The following RAB44 variants were observed in gnomAD, a reference collection of about 807,000 sequenced individuals.
The protein encoded by RAB44 is ras-related protein Rab-44.
In RAB44, 67 loss-of-function variants were observed where a neutral mutation model predicts 93.3. The observed-to-expected ratio is 0.72, with a 90% CI of 0.59 to 0.88. The LOEUF (loss-of-function observed/expected upper bound fraction) is 0.88. Among genes scored for constraint, RAB44 ranks in the 40% least tolerant of loss-of-function variants. RAB44 has a pLI of 0.00. For synonymous variants in RAB44, 427 were observed against 520.3 expected, an observed-to-expected ratio of 0.82 and a Z score of 2.44; for missense variants, 1,064 against 1,261.7, an observed-to-expected ratio of 0.84 and a Z score of 2.37.
At position 36,722,568 on chromosome 6, in the gene RAB44, G is replaced by A. The variant is rs1763120946; in HGVS notation, c.2434G>A (p.Gly812Arg). The A allele has an allele frequency of 2.6e-6, 4 of 1,549,948 alleles. No individual in the cohort carries two copies. The highest frequency in any genetic ancestry group is 1.2e-5 in the South Asian group (1 of 83,998). Residue 812 changes from glycine to arginine, a missense_variant, in exon 9 of 14, where the codon GGG (glycine) becomes AGG (arginine). By Grantham distance (125) the Gly-to-Arg change is moderately radical (BLOSUM62 -2). Coordinates refer to ENST00000612677, the MANE Select transcript of RAB44 (RefSeq NM_001257357.2). The part of the protein sequence containing the change: ...EDPGMDSREA[G>R]LTPSPGDPMA... ...TCCAGGAATGGACTCCAGGGAAGCT[G>A]GGCTGACCCCATCCCCGGGAGACCC...
At position 36,722,198 on chromosome 6, in the gene RAB44, C is replaced by G; in HGVS notation, c.2064C>G (p.Asp688Glu). The G allele has an allele frequency of 1.6e-6, 2 of 1,240,374 alleles. No individual in the cohort carries two copies. The highest frequency in any genetic ancestry group is 1.0e-6 in the Non-Finnish European group (1 of 991,840). 76.8% of individuals were successfully genotyped at this position (1,240,374 alleles called of 1,614,324 possible). The change falls in exon 9 of 14, where the codon GAC becomes GAG. Residue 688 changes from aspartate to glutamate, a missense_variant. Transcript: ENST00000612677. ...EGKQEGRGGQ[D>E]LSSEQSEQSV... ...AACAAGAGGGCAGAGGTGGGCAGGA[C>G]CTCAGTTCAGAGCAGTCAGAGCAGT...
rs904455702 is a variant in RAB44, at chr6:36,720,519, C to T, written c.985C>T (p.Arg329Trp). 1.7e-5 allele frequency: 21 copies of T among 1,233,678 alleles called. No homozygotes were observed. Among genetic ancestry groups the T allele is most frequent in the Admixed American group, 4.2e-5 (1 of 23,704 alleles). 76.4% of individuals were successfully genotyped at this position (1,233,678 alleles called of 1,614,324 possible). The change falls in exon 8 of 14, where the codon CGG becomes TGG. Residue 329 changes from arginine (R) to tryptophan (W), a missense_variant. Arg to Trp is a moderately radical substitution (Grantham distance 101). Coordinates refer to ENST00000612677, the MANE Select transcript of RAB44 (RefSeq NM_001257357.2). ...TRGRLDAARG[R>W]VSWQVEEKLS... ...GGGGCGCCTGGACGCCGCCAGGGGC[C>T]GGGTGTCCTGGCAGGTGGAGGAGAA...
At chr6:36,729,049 A>T (rs1238509277) in intron 12 of RAB44, among the ~76,000 whole-genome samples, 1 of 152,120 alleles carries the variant, frequency 6.6e-6, no homozygotes, top group African/African-American at 2.4e-5. Flanking sequence ...CGTGACACTG[A>T]ACCTCACTGT....
chr6:36,728,890 C>A, intron 12 of RAB44, 89 bp downstream of exon 12: 2 of 1,099,260 alleles, frequency 1.8e-6, no homozygotes, highest in Non-Finnish European at 2.7e-6. Flanking sequence ...CTGACCTGGG[C>A]AGCCGAGAAG....
chr6:36,698,095 G>T (rs1194808216), intron 1 of RAB44, among the ~76,000 whole-genome samples, 180 bp downstream of exon 1: 1 of 152,236 alleles, frequency 6.6e-6, no homozygotes, highest in Admixed American at 6.5e-5. Context: ...ACTTGGGCAA[G>T]AGGCTGGGGT....
intron 2 of RAB44, among the ~76,000 whole-genome samples, chr6:36,710,945 A>G (rs1422006662): frequency 6.6e-6 from 1 of 152,170 alleles, no homozygotes; most frequent in East Asian, 1.9e-4. Context: ...TTAAAGCAGA[A>G]AAAAATGAAT....
rs1763371930 is a variant in RAB44, at chr6:36,731,884, G to C, written c.2976-119G>C. ...GGTCTCATGTGGAATGCAGGGCAGGGGCAGAGCTGTTGTGGGGGTTGTGGG... is the reference window on the plus strand; with the variant it reads ...GGTCTCATGTGGAATGCAGGGCAGGCGCAGAGCTGTTGTGGGGGTTGTGGG... On this transcript the variant is annotated intron_variant, in intron 13 of 13. Transcript: ENST00000612677. This position sits in a 1 kb window ranked among gnomAD's most constrained non-coding sequence, Gnocchi z 4.0. 6.2e-6 allele frequency: 3 copies of C among 486,310 alleles called. No homozygotes were observed. The highest frequency in any genetic ancestry group is 9.7e-6 in the Non-Finnish European group (3 of 307,902). 30.1% of individuals were successfully genotyped at this position (486,310 alleles called of 1,614,324 possible).
chr6:36,726,802 ATTT>A (rs35515538), intron 10 of RAB44, among the ~76,000 whole-genome samples: 1 of 143,070 alleles, frequency 7.0e-6, no homozygotes, highest in Non-Finnish European at 1.5e-5. Context: ...ACTAATAGGG[ATTT>A]TTTTTTTTTT....
At position 36,732,180 on chromosome 6, in the gene RAB44, C is replaced by T. The variant is rs1469209234; in HGVS notation, c.*87C>T. Reference sequence around the variant, plus strand: ...CCTTTGTTCCTGGACAGCAACGACACAGAGGACCAGCTTGGAGGTTCAGGA... The same window carrying T: ...CCTTTGTTCCTGGACAGCAACGACATAGAGGACCAGCTTGGAGGTTCAGGA... On this transcript the variant is annotated 3_prime_UTR_variant, in exon 14 of 14. Coordinates refer to ENST00000612677, the MANE Select transcript of RAB44 (RefSeq NM_001257357.2). 8.4e-6 allele frequency: 7 copies of T among 831,464 alleles called. No individual in the cohort carries two copies. Among genetic ancestry groups the T allele is most frequent in the Admixed American group, 4.3e-5 (1 of 23,122 alleles). The allele number at this position is 831,464 out of a possible 1,614,324, so 51.5% of individuals were successfully genotyped here.
At position 36,722,716 on chromosome 6, in the gene RAB44, G is replaced by A; in HGVS notation, c.2582G>A (p.Gly861Glu). ...CTGCACCAGAATTCTTTCGCCACCG[G>A]ATTGACAGCTACCGTGGGTAAGGGC... ...HLLHQNSFAT[G>E]LTATVGVDFR... Residue 861 changes from glycine to glutamate, a missense_variant, in exon 9 of 14, where the codon GGA (glycine) becomes GAA (glutamate). Coordinates refer to ENST00000612677, the MANE Select transcript of RAB44 (RefSeq NM_001257357.2). 1 of 1,550,618 alleles carries A rather than the reference G, an allele frequency of 6.4e-7. No homozygotes were observed. Among genetic ancestry groups the A allele is most frequent in the Non-Finnish European group, 8.7e-7 (1 of 1,146,984 alleles).
rs188672209 is a variant in RAB44 at position 36,711,019 on chromosome 6, T to A, written c.208-2809T>A. On this transcript the variant is annotated intron_variant, in intron 2 of 13. Coordinates refer to ENST00000612677, the MANE Select transcript of RAB44 (RefSeq NM_001257357.2). ...ATGTGAAAATAAGAAGTAAAAAATA[T>A]ATCAACTTAAAAATATGCCTAGCAA... is the stretch of plus-strand genomic sequence containing the variant. 1.9e-3 allele frequency among the ~76,000 whole-genome samples: 293 copies of A among 152,324 alleles called. 3 individuals carry two copies. Among genetic ancestry groups the A allele is most frequent in the African/African-American group, 6.9e-3 (286 of 41,576 alleles).
At chr6:36,725,355 T>A (rs1444990391) in intron 9 of RAB44, among the ~76,000 whole-genome samples, 1 of 152,184 alleles carries the variant, frequency 6.6e-6, no homozygotes, top group Middle Eastern at 3.2e-3. Context: ...AGCATTTTAA[T>A]CCTCCAGCCA....
intron 2 of RAB44, among the ~76,000 whole-genome samples, chr6:36,712,107 A>C (rs946964102): frequency 6.6e-6 from 1 of 152,124 alleles, no homozygotes; most frequent in Non-Finnish European, 1.5e-5. Flanking sequence ...GTTCGAGACC[A>C]GCTTGGCCAA....
intron 1 of RAB44, among the ~76,000 whole-genome samples, chr6:36,700,549 C>T (rs889293019): frequency 1.3e-5 from 2 of 152,130 alleles, no homozygotes; most frequent in African/African-American, 4.8e-5. Context: ...AAGTGATCCT[C>T]CCATCTCAGC....
Position 36,721,445 on chromosome 6 carries a change from G to A in RAB44, c.1311G>A (p.Gly437=). ...ATGGGGCTCCAAGGACCCCACCTGG[G>A]GTGACTTTCAGCGCCAAGGACAATA... ...DPDGAPRTPP[G]VTFSAKDNKG... Residue 437 remains glycine (G), a synonymous_variant, in exon 9 of 14, where the codon GGG becomes GGA. Transcript: ENST00000612677. The A allele has an allele frequency of 8.1e-7, 1 of 1,234,422 alleles. No individual in the cohort carries two copies. The allele number at this position is 1,234,422 out of a possible 1,614,324, so 76.5% of individuals were successfully genotyped here.
chr6:36,727,813 C>T, intron 11 of RAB44, 122 bp downstream of exon 11: 2 of 695,552 alleles, frequency 2.9e-6, no homozygotes, highest in Non-Finnish European at 5.1e-6. Context: ...GGTGACACCA[C>T]CCACTGAGGG....
intron 10 of RAB44, 140 bp downstream of exon 10, chr6:36,726,083 C>A: frequency 3.0e-6 from 2 of 669,912 alleles, no homozygotes; most frequent in Non-Finnish European, 2.6e-6. Flanking sequence ...AGAGATGAGT[C>A]AAGCCCAAGG....
At chr6:36,723,546 G>C (rs1446874347) in intron 9 of RAB44, among the ~76,000 whole-genome samples, 2 of 152,042 alleles carry the variant, frequency 1.3e-5, no homozygotes, top group Non-Finnish European at 2.9e-5. Flanking sequence ...CTACAGAAAA[G>C]CAAACCCAGC....
rs1016905702 is a variant in RAB44 at position 36,721,560 on chromosome 6, C to T, written c.1426C>T (p.Pro476Ser). 2 of 1,234,458 alleles carry T rather than the reference C, an allele frequency of 1.6e-6. No homozygotes were observed. The highest frequency in any genetic ancestry group is 1.6e-5 in the African/African-American group (1 of 64,472). The allele number at this position is 1,234,458 out of a possible 1,614,324, so 76.5% of individuals were successfully genotyped here. Residue 476 changes from proline to serine, a missense_variant, in exon 9 of 14, where the codon CCC becomes TCC. By Grantham distance (74) the Pro-to-Ser change is moderately conservative. Coordinates refer to ENST00000612677, the MANE Select transcript of RAB44 (RefSeq NM_001257357.2). ...PDPNQEPGST[P>S]EGRLLWGLSG... The stretch of plus-strand genomic sequence containing the variant: ...CCCCAACCAGGAGCCAGGGTCCACA[C>T]CCGAGGGCCGCCTCCTCTGGGGTCT...
Sources: gnomAD v4.1 joint callset for allele counts (sites outside exome capture counted in the v4.1 genomes callset) on GRCh38, gnomAD v4.1.1 for gene constraint, Gnocchi (gnomAD v3.1) non-coding constraint, MANE v1.5 for transcripts, NCBI Gene and HGNC (gene_info 2026-07-23, HGNC 2026-07-21) for gene names.